Variants in CDH18 observed in about 807,000 individuals in gnomAD.
CDH18 encodes cadherin-18.
A neutral mutation model predicts 67.9 loss-of-function variants in CDH18; 31 were observed. The observed-to-expected ratio is 0.46, with a 90% CI of 0.34 to 0.62. The LOEUF is 0.62. Among genes scored for constraint, CDH18 ranks in the 20% least tolerant of loss-of-function variants. The probability of loss-of-function intolerance (pLI) is 0.01; values close to 1 mark genes in which losing one functional copy is unlikely to be tolerated. For missense variants in CDH18, 890 were observed against 975.5 expected, an observed-to-expected ratio of 0.91 and a Z score of 1.17; for synonymous variants, 362 against 347.2, an observed-to-expected ratio of 1.04 and a Z score of -0.48.
chr5:19,473,413 A>C lies in CDH18; in HGVS notation c.2186T>G (p.Val729Gly). Residue 729 changes from valine (V) to glycine (G), a missense_variant, in exon 13 of 13, where the codon GTT (valine) becomes GGT (glycine). Val to Gly is a moderately radical substitution (Grantham distance 109). This residue lies in a region of CDH18 where 656 missense variants were observed against 668.1 expected (regional missense o/e 0.98). Coordinates refer to ENST00000382275, the MANE Select transcript of CDH18 (RefSeq NM_004934.5). Reference protein sequence around the residue: ...RLAEADLDPSVPPYDSLQTYA... With the variant: ...RLAEADLDPSGPPYDSLQTYA... ...AGTCTGAAGAGAGTCATAAGGGGGAACGCTAGGGTCTAGGTCTGCTTCTGC... is the reference window on the plus strand; with the variant it reads ...AGTCTGAAGAGAGTCATAAGGGGGACCGCTAGGGTCTAGGTCTGCTTCTGC... 6.2e-7 allele frequency: 1 copy of C among 1,613,810 alleles called. No homozygotes were observed. Among genetic ancestry groups the C allele is most frequent in the Admixed American group, 1.7e-5 (1 of 59,926 alleles).
intron 2 of CDH18, among the ~76,000 whole-genome samples, chr5:20,073,783 A>G (rs1409655957): frequency 6.6e-6 from 1 of 152,114 alleles, no homozygotes; most frequent in Non-Finnish European, 1.5e-5. Context: ...ACTAAAAAGG[A>G]AAATACTGTG....
intron 4 of CDH18, among the ~76,000 whole-genome samples, chr5:19,745,306 T>C (rs1343860600): frequency 6.6e-6 from 1 of 152,226 alleles, no homozygotes; most frequent in Non-Finnish European, 1.5e-5. Flanking sequence ...GTGGCATCCA[T>C]AAAAGCCCTC....
intron 2 of CDH18, among the ~76,000 whole-genome samples, chr5:20,036,438 G>C (rs138737083): frequency 1.2e-3 from 182 of 152,092 alleles, no homozygotes; most frequent in African/African-American, 4.1e-3. Flanking sequence ...GAAAAAAAGA[G>C]GAGGGAAAGT....
In CDH18 at chr5:20,331,870, C is replaced by A. The variant is rs187655899; in HGVS notation, c.-579-76365G>T. Among the ~76,000 whole-genome samples the A allele has an allele frequency of 2.4e-4, 37 of 151,954 alleles. No homozygotes were observed. In the East Asian group the frequency reaches 6.6e-3, roughly 27 times the overall value. ...TTTATAAGAACAGTATTAAACTGTC[C>A]CTATAATATTAGAAAAGAGAAGAAG... On this transcript the variant is annotated intron_variant, in intron 1 of 14. Transcript: ENST00000507958.
intron 1 of CDH18, among the ~76,000 whole-genome samples, chr5:20,485,986 A>C (rs1276302910): frequency 1.3e-5 from 2 of 152,206 alleles, no homozygotes; most frequent in African/African-American, 2.4e-5. Flanking sequence ...TTCCTTTTGC[A>C]ACTGAAACTA....
rs556190359 is a variant in CDH18, at chr5:19,799,668, C to A, written c.228+39091G>T. 4.6e-5 allele frequency among the ~76,000 whole-genome samples: 7 copies of A among 152,158 alleles called. No homozygotes were observed. The South Asian group carries it at 1.5e-3, about 32-fold the overall frequency. On this transcript the variant is annotated intron_variant, in intron 3 of 12. Coordinates refer to ENST00000382275, the MANE Select transcript of CDH18 (RefSeq NM_004934.5). ...TAACTTTGCTGCTACACTACTATTT[C>A]AGAGGATTATTTTTTTCCTGTTGTC...
At chr5:19,904,648 A>C (rs1790343387) in intron 2 of CDH18, among the ~76,000 whole-genome samples, 1 of 152,194 alleles carries the variant, frequency 6.6e-6, no homozygotes, top group African/African-American at 2.4e-5. Flanking sequence ...AACTTGGCTA[A>C]ATGACTACTA....
intron 1 of CDH18, among the ~76,000 whole-genome samples, chr5:19,987,570 C>T (rs1279012383): frequency 6.6e-6 from 1 of 151,832 alleles, no homozygotes; most frequent in Non-Finnish European, 1.5e-5. Context: ...ATAAATGAGG[C>T]TTGTCCTGCT....
intron 2 of CDH18, among the ~76,000 whole-genome samples, chr5:19,958,942 C>T (rs942255081): frequency 6.6e-6 from 1 of 152,042 alleles, no homozygotes; most frequent in Non-Finnish European, 1.5e-5. Flanking sequence ...TCCTCACTGC[C>T]ATACCATCTT....
chr5:20,175,610 T>C lies in CDH18; in HGVS notation c.-518+79834A>G, dbSNP rs562508754. 5.9e-5 allele frequency among the ~76,000 whole-genome samples: 9 copies of C among 152,244 alleles called. No homozygotes were observed. The South Asian group carries it at 1.7e-3, about 28-fold the overall frequency. On this transcript the variant is annotated intron_variant, in intron 2 of 14. Coordinates refer to the CDH18 transcript ENST00000507958. ...GCTTTGGCATCCCTGTAGAGCTTTG[T>C]ATTAGTAAGAGTTCTCTAAAGGGAC...
intron 2 of CDH18, among the ~76,000 whole-genome samples, chr5:19,843,396 A>G (rs967823126): frequency 2.6e-5 from 4 of 152,180 alleles, no homozygotes; most frequent in African/African-American, 9.6e-5. Flanking sequence ...TGGCTTCTAC[A>G]TGGTGTTGGG....
At chr5:20,223,505 C>G (rs1561890229) in intron 2 of CDH18, among the ~76,000 whole-genome samples, 2 of 151,944 alleles carry the variant, frequency 1.3e-5, no homozygotes, top group Non-Finnish European at 2.9e-5. Context: ...CTTTTGGGGA[C>G]TGTTGGGAAG....
At chr5:20,274,028 A>G (rs541441116) in intron 1 of CDH18, among the ~76,000 whole-genome samples, 61 of 152,304 alleles carry the variant, frequency 4.0e-4, no homozygotes, top group African/African-American at 1.4e-3. Flanking sequence ...AACGGAGACA[A>G]AACATTATGC....
At chr5:20,134,852 G>C (rs1266002532) in intron 2 of CDH18, among the ~76,000 whole-genome samples, 2 of 152,012 alleles carry the variant, frequency 1.3e-5, no homozygotes, top group African/African-American at 2.4e-5. Context: ...AGATTGGTTT[G>C]GTGGCAGGTC....
intron 1 of CDH18, among the ~76,000 whole-genome samples, chr5:20,561,360 C>T (rs537001832): frequency 2.9e-4 from 44 of 152,156 alleles, no homozygotes; most frequent in African/African-American, 9.6e-4. Context: ...AGCAAGATAT[C>T]CTTCAATAAT....
In CDH18 at chr5:19,903,617, C is replaced by CTTTT. The variant is rs59678864; in HGVS notation, c.-256-64379_-256-64376dup. Among the ~76,000 whole-genome samples, 11 of 89,968 alleles carry CTTTT rather than the reference C, an allele frequency of 1.2e-4. 2 individuals are homozygous for CTTTT. Among genetic ancestry groups the CTTTT allele is most frequent in the South Asian group, 4.7e-4 (1 of 2,120 alleles). The allele number at this position is 89,968 out of a possible 152,430, so 59.0% of individuals were successfully genotyped here. A position where few individuals can be genotyped will look rare whatever the true frequency, so the allele number is the denominator to read the frequency against. On this transcript the variant is annotated intron_variant, in intron 2 of 12. Transcript: ENST00000382275. ...GTCCCTTCAGTAACAAGCAAAGTGG[C>CTTTT]TTTTTTTTTTTTTTTTTTTTTTCCT... is the stretch of plus-strand genomic sequence containing the variant.
intron 3 of CDH18, among the ~76,000 whole-genome samples, chr5:19,810,104 C>T (rs765455621): frequency 4.1e-4 from 63 of 152,064 alleles, no homozygotes; most frequent in African/African-American, 1.3e-3. Context: ...CCGAGGTGAG[C>T]GGATCACTTG....
chr5:20,034,875 C>G (rs1739711159), intron 2 of CDH18, among the ~76,000 whole-genome samples: 1 of 152,052 alleles, frequency 6.6e-6, no homozygotes, highest in Non-Finnish European at 1.5e-5. Context: ...GGTTCTGTTT[C>G]TCTAAAGAAC....
intron 5 of CDH18, among the ~76,000 whole-genome samples, chr5:19,686,951 C>T (rs1192322340): frequency 3.3e-5 from 5 of 152,162 alleles, no homozygotes; most frequent in Admixed American, 3.3e-4. Context: ...CACTAACCTC[C>T]TCCACAAAGA....
Sources: allele counts gnomAD v4.1 joint callset (sites outside exome capture counted in the v4.1 genomes callset), GRCh38; gene constraint gnomAD v4.1.1; regional missense constraint gnomAD v4.1.1; transcripts MANE v1.5; gene names NCBI Gene and HGNC (gene_info 2026-07-23, HGNC 2026-07-21).